SLCO4C1: variants seen among roughly 807,000 people sequenced by gnomAD.
SLCO4C1 encodes the protein solute carrier organic anion transporter family member 4C1.
SLCO4C1 carries 58 observed loss-of-function variants against 72.1 expected under a neutral mutation model. The ratio of observed to expected loss-of-function variants is 0.80; its 90% CI spans 0.65 to 1.00. The LOEUF is 1.00. SLCO4C1 is among the 50% of genes least tolerant of loss of function. The pLI is 0.00. For synonymous variants in SLCO4C1, 297 were observed against 312.5 expected (o/e 0.95, Z 0.52); for missense variants, 898 against 857.9 (o/e 1.05, Z -0.58).
At chr5:102,257,001 AG>A (rs1554057581) in intron 8 of SLCO4C1, 113 bp downstream of exon 8, 2 of 737,230 alleles carry the variant, frequency 2.7e-6, no homozygotes, top group Non-Finnish European at 4.0e-6. Flanking sequence ...ATAGGAAAAA[AG>A]GTCTTCCAAA....
At chr5:102,295,816 G>C (rs753365884) in intron 1 of SLCO4C1, 92 bp downstream of exon 1, 157 of 1,308,764 alleles carry the variant, frequency 1.2e-4, no homozygotes, top group Non-Finnish European at 1.6e-4. Context: ...ACCGTCCCAC[G>C]GACCCCGCGC....
intron 8 of SLCO4C1, among the ~76,000 whole-genome samples, chr5:102,250,258 A>G (rs960872364): frequency 6.6e-6 from 1 of 152,044 alleles, no homozygotes; most frequent in African/African-American, 2.4e-5. Context: ...TAATCATCTC[A>G]TCAATGGGAA....
chr5:102,291,717 AC>A, intron 1 of SLCO4C1, 111 bp from the exon 2 acceptor site: 1 of 910,740 alleles, frequency 1.1e-6, no homozygotes, highest in Non-Finnish European at 1.5e-6. Context: ...CTTAAAATGT[AC>A]CAGTTTTCAA....
intron 2 of SLCO4C1, among the ~76,000 whole-genome samples, chr5:102,284,359 T>C (rs1189592796): frequency 1.3e-5 from 2 of 152,134 alleles, no homozygotes; most frequent in Non-Finnish European, 2.9e-5. Context: ...CACATGCTGT[T>C]CTAGGTGCTG....
At chr5:102,257,808 CAG>C (rs1748865818) in intron 7 of SLCO4C1, 133 bp downstream of exon 7, 1 of 775,988 alleles carries the variant, frequency 1.3e-6, no homozygotes. Context: ...TTGGTACAGA[CAG>C]GGTTTCACCA....
chr5:102,257,866 C>G, intron 7 of SLCO4C1, 77 bp downstream of exon 7: 1 of 1,345,456 alleles, frequency 7.4e-7, no homozygotes, highest in Non-Finnish European at 1.0e-6. Context: ...AGGGCTACCT[C>G]AAATTATACA....
chr5:102,294,759 T>C (rs1561384599), intron 1 of SLCO4C1, among the ~76,000 whole-genome samples: 1 of 152,200 alleles, frequency 6.6e-6, no homozygotes, highest in Non-Finnish European at 1.5e-5. Context: ...CAATAAATGG[T>C]TACTTAGCAT....
intron 2 of SLCO4C1, among the ~76,000 whole-genome samples, chr5:102,275,816 G>GT (rs1252530928): frequency 6.6e-6 from 1 of 152,102 alleles, no homozygotes; most frequent in African/African-American, 2.4e-5. Context: ...ATTCAAGTTA[G>GT]TTTTTTCTTC....
intron 12 of SLCO4C1, 37 bp from the exon 13 acceptor site, chr5:102,237,055 TTTAATTA>T (rs1243251487): frequency 6.5e-7 from 1 of 1,527,060 alleles, no homozygotes; most frequent in Admixed American, 2.3e-5. Flanking sequence ...TGCTTTTGTT[TTTAATTA>T]TGATAAAAAT....
chr5:102,288,793 T>C (rs956115644), intron 2 of SLCO4C1, among the ~76,000 whole-genome samples: 1 of 152,226 alleles, frequency 6.6e-6, no homozygotes, highest in African/African-American at 2.4e-5. Context: ...TATCCAGATA[T>C]TATCACTGTA....
chr5:102,268,431 T>C (rs1003334171), intron 3 of SLCO4C1, among the ~76,000 whole-genome samples: 7 of 152,278 alleles, frequency 4.6e-5, no homozygotes, highest in African/African-American at 1.7e-4. Context: ...CACACCCTTT[T>C]GGTTTACAAT....
At chr5:102,240,624 AT>A (rs1040533774) in intron 11 of SLCO4C1, 93 bp downstream of exon 11, 534 of 935,258 alleles carry the variant, frequency 5.7e-4, no homozygotes, top group Middle Eastern at 8.5e-4. Context: ...TTCCACTATA[AT>A]TTTTTTTGCC....
intron 4 of SLCO4C1, among the ~76,000 whole-genome samples, chr5:102,262,725 CT>C (rs934305222): frequency 6.6e-5 from 10 of 152,132 alleles, no homozygotes; most frequent in Admixed American, 2.0e-4. Context: ...TTTTAATACA[CT>C]TTGGCCCTTT....
At chr5:102,274,147 G>C (rs184445249) in intron 2 of SLCO4C1, among the ~76,000 whole-genome samples, 1 of 152,224 alleles carries the variant, frequency 6.6e-6, no homozygotes, top group Admixed American at 6.5e-5. Flanking sequence ...CCATTTTATA[G>C]AAGGGACTTG....
rs182777182 is a variant in SLCO4C1 at position 102,240,070 on chromosome 5, C to A, written c.1876+648G>T. 3.0e-3 allele frequency among the ~76,000 whole-genome samples: 464 copies of A among 152,180 alleles called. 1 individual carries two copies. Among genetic ancestry groups the A allele is most frequent in the Middle Eastern group, 0.014 (4 of 294 alleles). On this transcript the variant is annotated intron_variant, in intron 11 of 12. Transcript: ENST00000310954. ...GAGTACTAGACTCAGAGTTAGGAAT[C>A]ATTTTCCTACTTTCATTTCTATCAC...
rs1384367597 is a variant in SLCO4C1, at chr5:102,238,310, C to A, written c.2014+941G>T. On this transcript the variant is annotated intron_variant, in intron 12 of 12. Coordinates refer to ENST00000310954, the MANE Select transcript of SLCO4C1 (RefSeq NM_180991.5). ...TTAAACATAAAAACATTGTATGTAG[C>A]CATGATTGTGGTAAAAATATATAAT... 2.0e-5 allele frequency among the ~76,000 whole-genome samples: 3 copies of A among 151,926 alleles called. No individual in the cohort carries two copies. The South Asian group carries it at 6.2e-4, about 32-fold the overall frequency.
chr5:102,264,478 T>G (rs1748998409), intron 3 of SLCO4C1, among the ~76,000 whole-genome samples: 1 of 152,064 alleles, frequency 6.6e-6, no homozygotes, highest in African/African-American at 2.4e-5. Flanking sequence ...GTTTCACTTT[T>G]TTTCCCCTTT....
At chr5:102,258,345 G>A (rs554690682) in intron 6 of SLCO4C1, among the ~76,000 whole-genome samples, 24 of 152,222 alleles carry the variant, frequency 1.6e-4, no homozygotes, top group Non-Finnish European at 2.8e-4. Context: ...CATTCCAAGG[G>A]CTATGGAAAG....
At chr5:102,261,269 G>A (rs1226019816) in intron 5 of SLCO4C1, among the ~76,000 whole-genome samples, 4 of 151,894 alleles carry the variant, frequency 2.6e-5, no homozygotes, top group Admixed American at 6.6e-5. Context: ...AAAATTAGCC[G>A]AGAGTGGTGG....
Sources: gnomAD v4.1 joint callset for allele counts (sites outside exome capture counted in the v4.1 genomes callset) on GRCh38, gnomAD v4.1.1 for gene constraint, MANE v1.5 for transcripts, NCBI Gene and HGNC (gene_info 2026-07-23, HGNC 2026-07-21) for gene names.